The following SYT17 variants were observed in gnomAD, a reference collection of about 807,000 sequenced individuals.
SYT17 encodes synaptotagmin-17.
A neutral mutation model predicts 46.7 loss-of-function variants in SYT17; 22 were observed. The observed-to-expected ratio is 0.47, with a 90% CI of 0.34 to 0.67. The LOEUF (loss-of-function observed/expected upper bound fraction) is 0.67. Among genes scored for constraint, SYT17 ranks in the 30% least tolerant of loss-of-function variants. The pLI, the probability that SYT17 is intolerant of heterozygous loss-of-function variation, is 0.01. For synonymous variants in SYT17, 251 were observed against 248.4 expected (o/e 1.01, Z -0.10); for missense variants, 519 against 612.8 (o/e 0.85, Z 1.62).
At chr16:19,219,552 A>C (rs55905291) in intron 5 of SYT17, among the ~76,000 whole-genome samples, 15,763 of 152,138 alleles carry the variant, frequency 0.1, 912 homozygotes, top group South Asian at 0.13. Flanking sequence ...ACTCCCTTTC[A>C]ATCAACTGCA....
At chr16:19,171,008 T>C (rs763147833) in intron 1 of SYT17, 20 of 152,248 alleles carry the variant, frequency 1.3e-4, no homozygotes, top group African/African-American at 1.9e-4. Context: ...CTTTGAGGTA[T>C]AGAGTAGCCT....
chr16:19,188,908 G>A (rs1409872866), intron 5 of SYT17, among the ~76,000 whole-genome samples: 1 of 151,860 alleles, frequency 6.6e-6, no homozygotes, highest in East Asian at 1.9e-4. Flanking sequence ...TTTTTTTTGA[G>A]ATGAGTGCTG....
rs139791873 is a variant in SYT17 at position 19,194,252 on chromosome 16, C to T, written c.951+10105C>T. On this transcript the variant is annotated intron_variant, in intron 5 of 7. Transcript: ENST00000355377. ...GTCTCTCTCTGAGCTTTTGGGGGAA[C>T]GGATGACAAAGAAAATCTATAGCTG... Among the ~76,000 whole-genome samples the T allele has an allele frequency of 5.7e-4, 87 of 152,242 alleles. No homozygotes were observed. The East Asian group carries it at 6.7e-3, about 12-fold the overall frequency.
rs148988170 is a variant in SYT17, at chr16:19,244,373, G to A, written c.1228+19535G>A. ...TTTTGAGACAGGGTCTTGCTCTGTCGCCTAGGCTGGAATGCAGTGGCACAA... is the reference window on the plus strand; with the variant it reads ...TTTTGAGACAGGGTCTTGCTCTGTCACCTAGGCTGGAATGCAGTGGCACAA... On this transcript the variant is annotated intron_variant, in intron 7 of 7. Transcript: ENST00000355377. Among the ~76,000 whole-genome samples the A allele has an allele frequency of 6.8e-4, 103 of 151,822 alleles. No individual in the cohort carries two copies. In the East Asian group the frequency reaches 9.5e-3, roughly 14 times the overall value.
At chr16:19,234,253 G>C (rs933672131) in intron 7 of SYT17, among the ~76,000 whole-genome samples, 2 of 152,024 alleles carry the variant, frequency 1.3e-5, no homozygotes, top group African/African-American at 4.8e-5. Context: ...TTGAACCCAG[G>C]AGTCCAAGGC....
At chr16:19,212,491 C>T (rs754935790) in intron 5 of SYT17, among the ~76,000 whole-genome samples, 1 of 152,194 alleles carries the variant, frequency 6.6e-6, no homozygotes, top group South Asian at 2.1e-4. Flanking sequence ...CATGGGGGCT[C>T]ATGCCTGTAA....
chr16:19,186,621 T>C (rs767730413), intron 5 of SYT17, among the ~76,000 whole-genome samples: 29 of 152,380 alleles, frequency 1.9e-4, no homozygotes, highest in South Asian at 4.1e-4. Flanking sequence ...ATCAGCCAAG[T>C]AGTGGCTGTT....
intron 6 of SYT17, among the ~76,000 whole-genome samples, chr16:19,224,256 T>G (rs753972929): frequency 4.6e-5 from 7 of 152,152 alleles, no homozygotes; most frequent in South Asian, 2.1e-4. Flanking sequence ...ATTTCTCACC[T>G]TGAGTCCTCA....
At chr16:19,263,640 CAAAAAAAAA>C (rs1157288423) in intron 7 of SYT17, among the ~76,000 whole-genome samples, 4 of 39,240 alleles carry the variant, frequency 1.0e-4, no homozygotes, top group Admixed American at 2.8e-4. Flanking sequence ...AATTACAACT[CAAAAAAAAA>C]AAAAAAAAAG....
chr16:19,242,973 G>A (rs1406851939), intron 7 of SYT17, among the ~76,000 whole-genome samples: 1 of 152,180 alleles, frequency 6.6e-6, no homozygotes, highest in Non-Finnish European at 1.5e-5. Flanking sequence ...GCACACAGCA[G>A]ATGCTCAGTG....
chr16:19,217,143 T>C (rs1237342714), intron 5 of SYT17, among the ~76,000 whole-genome samples: 1 of 152,214 alleles, frequency 6.6e-6, no homozygotes, highest in Non-Finnish European at 1.5e-5. Flanking sequence ...GATGATGAGC[T>C]TTTTTCCATA....
At chr16:19,173,958 C>T (rs1334273925) in intron 3 of SYT17, among the ~76,000 whole-genome samples, 3 of 152,180 alleles carry the variant, frequency 2.0e-5, no homozygotes, top group African/African-American at 7.2e-5. Context: ...TGAGGGTTTC[C>T]ATCCAAGTCA....
chr16:19,220,478 T>C (rs532175522), intron 5 of SYT17, among the ~76,000 whole-genome samples: 58 of 152,030 alleles, frequency 3.8e-4, no homozygotes, highest in African/African-American at 1.3e-3. Context: ...TTTGTATTTT[T>C]ACTAGAGATG....
At chr16:19,228,054 G>C (rs1966556028) in intron 7 of SYT17, among the ~76,000 whole-genome samples, 1 of 119,078 alleles carries the variant, frequency 8.4e-6, no homozygotes. Context: ...TTATTCTGGG[G>C]GTGGGGGGGT....
chr16:19,215,944 C>T (rs563938016), intron 5 of SYT17, among the ~76,000 whole-genome samples: 50 of 152,218 alleles, frequency 3.3e-4, no homozygotes, highest in Non-Finnish European at 6.0e-4. Flanking sequence ...CAGGGAAACT[C>T]CTCTTTTTAA....
In SYT17 at chr16:19,194,613, A is replaced by T. The variant is rs1965160409; in HGVS notation, c.951+10466A>T. Among the ~76,000 whole-genome samples, 3 of 152,162 alleles carry T rather than the reference A, an allele frequency of 2.0e-5. No homozygotes were observed. In the South Asian group the frequency reaches 6.2e-4, roughly 32 times the overall value. ...TGGTATCTTTATTTATTTATGTATT[A>T]GAGACAGGGTCTCACGCTGTCACTG... On this transcript the variant is annotated intron_variant, in intron 5 of 7. Coordinates refer to ENST00000355377, the MANE Select transcript of SYT17 (RefSeq NM_016524.4).
At chr16:19,174,106 G>A (rs186045127) in intron 3 of SYT17, among the ~76,000 whole-genome samples, 151 of 152,282 alleles carry the variant, frequency 9.9e-4, no homozygotes, top group Non-Finnish European at 1.5e-3. Context: ...TCAGAAACAG[G>A]GAAGCAGAAA....
At chr16:19,230,478 G>A (rs528725178) in intron 7 of SYT17, among the ~76,000 whole-genome samples, 1 of 151,894 alleles carries the variant, frequency 6.6e-6, no homozygotes, top group East Asian at 1.9e-4. Flanking sequence ...TAATGCCACT[G>A]AACTGTATAC....
intron 5 of SYT17, among the ~76,000 whole-genome samples, chr16:19,190,794 G>A (rs1372303140): frequency 6.6e-6 from 1 of 151,602 alleles, no homozygotes; most frequent in Admixed American, 6.6e-5. Flanking sequence ...GTGTGTGTGT[G>A]TGTGTGTGTG....
Sources: gnomAD v4.1 joint callset for allele counts (sites outside exome capture counted in the v4.1 genomes callset) on GRCh38, gnomAD v4.1.1 for gene constraint, MANE v1.5 for transcripts, NCBI Gene and HGNC (gene_info 2026-07-23, HGNC 2026-07-21) for gene names.